WWP2: variants seen among roughly 807,000 people sequenced by gnomAD.
WWP2 encodes NEDD4-like E3 ubiquitin-protein ligase WWP2.
In WWP2, 57 loss-of-function variants were observed where a neutral mutation model predicts 121.0. The ratio of observed to expected loss-of-function variants is 0.47; its 90% CI spans 0.38 to 0.59. WWP2 has a LOEUF of 0.59. Ranked by LOEUF, WWP2 falls within the 20% of genes least tolerant of loss-of-function variation. The pLI, the probability that WWP2 is intolerant of heterozygous loss-of-function variation, is 0.00. For synonymous variants in WWP2, 449 were observed against 441.3 expected (o/e 1.02, Z -0.22); for missense variants, 962 against 1,158.9 (o/e 0.83, Z 2.47).
At position 69,842,025 on chromosome 16, in the gene WWP2, A is replaced by T; in HGVS notation, c.480A>T (p.Gly160=). The change falls in exon 6 of 24, where the codon GGA becomes GGT. Residue 160 remains glycine, a splice_region_variant and synonymous_variant. Coordinates refer to ENST00000359154, the MANE Select transcript of WWP2 (RefSeq NM_001270454.2). ...TTCTTGTGATTGATTCCTTTCTAGG[A>T]TCACAGCTGCCTTCGAGAGACTCCA... ...NVPNGSALTD[G]SQLPSRDSSG... is the part of the protein sequence containing the mutation. The T allele has an allele frequency of 6.2e-7, 1 of 1,612,196 alleles. No homozygotes were observed. The highest frequency in any genetic ancestry group is 8.5e-7 in the Non-Finnish European group (1 of 1,179,172).
At chr16:69,938,583 T>A (rs9302605) in intron 21 of WWP2, among the ~76,000 whole-genome samples, 122,386 of 150,200 alleles carry the variant, frequency 0.81, 49,676 homozygotes, top group East Asian at 0.94. Flanking sequence ...GTGCCACTGC[T>A]CTGCAGTGAG....
chr16:69,861,342 A>C (rs149176571), intron 6 of WWP2, among the ~76,000 whole-genome samples: 2 of 152,314 alleles, frequency 1.3e-5, no homozygotes, highest in East Asian at 3.9e-4. Flanking sequence ...ACAAGTCACC[A>C]TTTACTATAC....
intron 1 of WWP2, among the ~76,000 whole-genome samples, chr16:69,778,190 ATAT>A (rs1368777670): frequency 1.9e-5 from 2 of 103,806 alleles, no homozygotes; most frequent in Middle Eastern, 4.5e-3. Flanking sequence ...ATATATATAT[ATAT>A]TTTTTTTTTT....
rs1013406445 is a variant in WWP2, at chr16:69,939,117, C to A, written c.2434C>A (p.Leu812Ile). Residue 812 changes from leucine (L) to isoleucine (I), a missense_variant, in exon 22 of 24, where the codon CTC (leucine) becomes ATC (isoleucine). By Grantham distance (5) the Leu-to-Ile change is conservative (BLOSUM62 2). Around this residue, in one of 3 missense-constraint regions of WWP2, gnomAD observed 606 missense variants for 772.6 expected, o/e 0.78. Transcript: ENST00000359154. Reference protein sequence around the residue: ...CRLPVGGFAELIGSNGPQKFC... With the variant: ...CRLPVGGFAEIIGSNGPQKFC... ...CCTGCCCGTCGGGGGATTTGCCGAA[C>A]TCATCGGTATGTTTTCTCTCGCCCT... 6.3e-7 allele frequency: 1 copy of A among 1,599,244 alleles called. No individual in the cohort carries two copies. Among genetic ancestry groups the A allele is most frequent in the Non-Finnish European group, 8.5e-7 (1 of 1,172,062 alleles).
At chr16:69,802,828 C>T (rs1168973467) in intron 4 of WWP2, among the ~76,000 whole-genome samples, 1 of 152,076 alleles carries the variant, frequency 6.6e-6, no homozygotes, top group Non-Finnish European at 1.5e-5. Flanking sequence ...TGGTCTCGAA[C>T]TCCTGACCTC....
intron 4 of WWP2, among the ~76,000 whole-genome samples, chr16:69,814,589 C>A (rs2151835719): frequency 6.6e-6 from 1 of 152,320 alleles, no homozygotes; most frequent in African/African-American, 2.4e-5. Context: ...GTGTGTGTTT[C>A]TTCTCTTTCC....
chr16:69,862,442 C>T (rs1273325783), intron 6 of WWP2, among the ~76,000 whole-genome samples: 1 of 151,510 alleles, frequency 6.6e-6, no homozygotes, highest in Non-Finnish European at 1.5e-5. Flanking sequence ...TCTCAGCTCA[C>T]TGCAGCCTCC....
chr16:69,827,991 C>T, intron 4 of WWP2: 1 of 443,072 alleles, frequency 2.3e-6, no homozygotes, highest in Non-Finnish European at 4.5e-6. Context: ...CAGCTGGTTC[C>T]CGAGACTCCT....
chr16:69,921,942 C>T (rs1205221003), intron 10 of WWP2, among the ~76,000 whole-genome samples: 1 of 151,850 alleles, frequency 6.6e-6, no homozygotes, highest in East Asian at 1.9e-4. Context: ...GGCGTGGTGG[C>T]GGGCACCTTT....
chr16:69,888,218 G>C lies in WWP2; in HGVS notation c.883G>C (p.Ala295Pro), dbSNP rs2057961015. The part of the protein sequence containing the change: ...STSGTQQLPA[A>P]AQAPDALPAG... ...TTCGGGTACACAGCAGCTCCCAGCG[G>C]CTGCCCAGGCCCCCGACGCTCTGCC... is the stretch of plus-strand genomic sequence containing the variant. Residue 295 changes from alanine to proline, a missense_variant, in exon 8 of 24, where the codon GCT becomes CCT. Physicochemically the swap from Ala to Pro is conservative, Grantham distance 27 (BLOSUM62 -1). Transcript: ENST00000359154. The C allele has an allele frequency of 1.2e-6, 2 of 1,614,058 alleles. No homozygotes were observed. The highest frequency in any genetic ancestry group is 2.7e-5 in the African/African-American group (2 of 74,938).
chr16:69,877,197 G>T (rs7197774), intron 7 of WWP2, among the ~76,000 whole-genome samples: 12,357 of 152,240 alleles, frequency 0.081, 1,621 homozygotes, highest in African/African-American at 0.27. Flanking sequence ...CCCCGTCAAT[G>T]ATCTTAGCTA....
chr16:69,920,403 G>A (rs569172224), intron 10 of WWP2, among the ~76,000 whole-genome samples: 35 of 152,202 alleles, frequency 2.3e-4, no homozygotes, highest in African/African-American at 8.4e-4. Flanking sequence ...TTTCAGAATT[G>A]GATGGAATCT....
chr16:69,847,827 A>G (rs1364925261), intron 6 of WWP2, among the ~76,000 whole-genome samples: 1 of 152,126 alleles, frequency 6.6e-6, no homozygotes, highest in Non-Finnish European at 1.5e-5. Flanking sequence ...ACCTCCCACT[A>G]GGTCTCACCT....
At chr16:69,876,937 C>T (rs937814159) in intron 7 of WWP2, among the ~76,000 whole-genome samples, 1 of 152,000 alleles carries the variant, frequency 6.6e-6, no homozygotes, top group African/African-American at 2.4e-5. Context: ...CTTTGTTGCT[C>T]CATTTATAAA....
rs977334020 is a variant in WWP2, at chr16:69,820,754, T to C, written c.341-19372T>C. ...CTCCACAAATAGAATGTAAGGTCTA[T>C]GGGGGCAGGCGTTTTGTGAATTTTG... On this transcript the variant is annotated intron_variant, in intron 4 of 23. Coordinates refer to ENST00000359154, the MANE Select transcript of WWP2 (RefSeq NM_001270454.2). 2.0e-5 allele frequency among the ~76,000 whole-genome samples: 3 copies of C among 146,442 alleles called. 1 individual carries two copies. The highest frequency in any genetic ancestry group is 3.1e-5 in the Non-Finnish European group (2 of 65,150).
intron 9 of WWP2, among the ~76,000 whole-genome samples, chr16:69,912,930 AAAAAAAAAAAAAAAAAAAAAAAAAAATAT>A: frequency 3.8e-3 from 4 of 1,058 alleles, no homozygotes; most frequent in Admixed American, 0.021. Context: ...AAACAAAAAA[AAAAAAAAAAAAAAAAAAAAAAAAAAATAT>A]ATATATATAT....
intron 19 of WWP2, chr16:69,936,907 G>A (rs2151999212): frequency 1.7e-6 from 1 of 590,694 alleles, no homozygotes; most frequent in Non-Finnish European, 2.9e-6. Flanking sequence ...AGGAGGTGGT[G>A]GTGAGGATGA....
At chr16:69,869,950 T>C (rs1311990098) in intron 6 of WWP2, among the ~76,000 whole-genome samples, 1 of 152,186 alleles carries the variant, frequency 6.6e-6, no homozygotes, top group Non-Finnish European at 1.5e-5. Context: ...ATTATAGCTC[T>C]TAATTTCACC....
At chr16:69,884,290 C>T (rs2057885244) in intron 7 of WWP2, among the ~76,000 whole-genome samples, 2 of 152,252 alleles carry the variant, frequency 1.3e-5, no homozygotes, top group Admixed American at 6.5e-5. Flanking sequence ...TCCCCTTTCC[C>T]CACTAACTCC....
Sources: allele counts gnomAD v4.1 joint callset (sites outside exome capture counted in the v4.1 genomes callset), GRCh38; gene constraint gnomAD v4.1.1; regional missense constraint gnomAD v4.1.1; transcripts MANE v1.5; gene names NCBI Gene and HGNC (gene_info 2026-07-23, HGNC 2026-07-21).